Variants in CDH18 observed in about 807,000 individuals in gnomAD.
CDH18 encodes the protein cadherin 18, also known as cadherin-18.
In CDH18, 31 loss-of-function variants were observed where a neutral mutation model predicts 67.9. That is an observed-to-expected ratio of 0.46 (90% CI 0.34 to 0.62). The LOEUF is 0.62. Ranked by LOEUF, CDH18 falls within the 20% of genes least tolerant of loss-of-function variation. The pLI is 0.01. For synonymous variants in CDH18, 362 were observed against 347.2 expected, an observed-to-expected ratio of 1.04 and a Z score of -0.48; for missense variants, 890 against 975.5, an observed-to-expected ratio of 0.91 and a Z score of 1.17.
chr5:20,440,145 A>G (rs1477153701), intron 1 of CDH18, among the ~76,000 whole-genome samples: 4 of 152,020 alleles, frequency 2.6e-5, no homozygotes, highest in South Asian at 2.1e-4. Flanking sequence ...AAGGATATTC[A>G]TTCAACAACT....
intron 2 of CDH18, among the ~76,000 whole-genome samples, chr5:19,881,396 G>T (rs1225799249): frequency 6.6e-6 from 1 of 151,812 alleles, no homozygotes; most frequent in African/African-American, 2.4e-5. Flanking sequence ...AACATCAAAG[G>T]TCATGGTTTT....
rs1441514532 is a variant in CDH18, at chr5:19,830,936, G to T, written c.228+7823C>A. ...AACCTGACACAAACTAACGCAGGAA[G>T]AGAAAACCACATACTTCATGTTCTC... On this transcript the variant is annotated intron_variant, in intron 3 of 12. Coordinates refer to ENST00000382275, the MANE Select transcript of CDH18 (RefSeq NM_004934.5). Among the ~76,000 whole-genome samples, 3 of 152,152 alleles carry T rather than the reference G, an allele frequency of 2.0e-5. 1 individual carries two copies. The highest frequency in any genetic ancestry group is 4.4e-5 in the Non-Finnish European group (3 of 67,952).
intron 1 of CDH18, among the ~76,000 whole-genome samples, chr5:20,574,535 A>G (rs1211057992): frequency 6.6e-6 from 1 of 152,072 alleles, no homozygotes; most frequent in Non-Finnish European, 1.5e-5. Flanking sequence ...AGTTCCAGTA[A>G]GCATTAAATA....
intron 1 of CDH18, among the ~76,000 whole-genome samples, chr5:20,290,820 G>C (rs1258357721): frequency 6.6e-6 from 1 of 152,100 alleles, no homozygotes; most frequent in Non-Finnish European, 1.5e-5. Context: ...GTGTGGACTA[G>C]GTCCAGAACA....
intron 3 of CDH18, among the ~76,000 whole-genome samples, chr5:19,822,345 A>G (rs1442981419): frequency 6.6e-6 from 1 of 152,180 alleles, no homozygotes; most frequent in East Asian, 1.9e-4. Context: ...GATTAAACCA[A>G]CAACAATAAG....
intron 2 of CDH18, among the ~76,000 whole-genome samples, chr5:19,994,727 A>G (rs1169041979): frequency 9.6e-5 from 2 of 20,902 alleles, no homozygotes; most frequent in East Asian, 1.6e-3. Flanking sequence ...ATATATATAT[A>G]TATATATATA....
At chr5:19,752,466 T>A (rs989897799) in intron 3 of CDH18, among the ~76,000 whole-genome samples, 1 of 151,950 alleles carries the variant, frequency 6.6e-6, no homozygotes, top group African/African-American at 2.4e-5. Context: ...TCTTCCTAGG[T>A]ACATAACTCC....
intron 1 of CDH18, among the ~76,000 whole-genome samples, chr5:20,293,261 G>A (rs1747240045): frequency 6.6e-6 from 1 of 152,092 alleles, no homozygotes; most frequent in Admixed American, 6.5e-5. Flanking sequence ...AGTTTGCAGT[G>A]AGCTGAGATC....
chr5:20,092,235 A>G (rs942127227), intron 2 of CDH18, among the ~76,000 whole-genome samples: 1 of 152,178 alleles, frequency 6.6e-6, no homozygotes. Context: ...GTATGACTCA[A>G]TGCAAAATAA....
intron 4 of CDH18, among the ~76,000 whole-genome samples, chr5:19,727,390 G>A (rs898772319): frequency 3.9e-5 from 6 of 152,134 alleles, no homozygotes; most frequent in Admixed American, 1.3e-4. Context: ...AACATCATGT[G>A]AAGATGAATG....
chr5:19,762,028 T>C (rs1772428103), intron 3 of CDH18, among the ~76,000 whole-genome samples: 1 of 152,314 alleles, frequency 6.6e-6, no homozygotes. Context: ...CTGGGAAAAC[T>C]GTCTAGCCAT....
rs1336425316 is a variant in CDH18 at position 19,604,843 on chromosome 5, GA to G, written c.811+7590del. On this transcript the variant is annotated intron_variant, in intron 6 of 12. Coordinates refer to ENST00000382275, the MANE Select transcript of CDH18 (RefSeq NM_004934.5). The stretch of plus-strand genomic sequence containing the variant: ...CTATAGGAAAGCTGATTATTCTATA[GA>G]AAGTTTTTTTTTTCTCTCAAGTATT... 4.6e-5 allele frequency among the ~76,000 whole-genome samples: 7 copies of G among 151,748 alleles called. No homozygotes were observed. In the South Asian group the frequency reaches 6.2e-4, roughly 14 times the overall value.
At chr5:19,645,914 T>C (rs1233047582) in intron 5 of CDH18, among the ~76,000 whole-genome samples, 4 of 152,128 alleles carry the variant, frequency 2.6e-5, no homozygotes, top group Non-Finnish European at 4.4e-5. Context: ...TCTATTAACA[T>C]TACTGTGATT....
At chr5:19,599,045 T>C (rs1746632815) in intron 6 of CDH18, among the ~76,000 whole-genome samples, 1 of 152,174 alleles carries the variant, frequency 6.6e-6, no homozygotes, top group South Asian at 2.1e-4. Flanking sequence ...AAAAATCATA[T>C]GACTCAATTG....
intron 1 of CDH18, among the ~76,000 whole-genome samples, chr5:20,345,655 A>C (rs1740639042): frequency 6.6e-6 from 1 of 152,080 alleles, no homozygotes; most frequent in Admixed American, 6.6e-5. Context: ...TAACCCACCT[A>C]ACCCAGGATA....
At chr5:20,406,043 GA>G in intron 1 of CDH18, among the ~76,000 whole-genome samples, 1 of 152,166 alleles carries the variant, frequency 6.6e-6, no homozygotes, top group East Asian at 1.9e-4. Context: ...CAGGGATCTA[GA>G]ACTAGAAACA....
chr5:20,291,705 G>A (rs1747116568), intron 1 of CDH18, among the ~76,000 whole-genome samples: 1 of 152,078 alleles, frequency 6.6e-6, no homozygotes, highest in Admixed American at 6.5e-5. Context: ...GTTTACTCAA[G>A]GTCAAATTGA....
intron 1 of CDH18, among the ~76,000 whole-genome samples, chr5:20,266,462 G>C (rs1745040205): frequency 6.6e-6 from 1 of 151,868 alleles, no homozygotes; most frequent in African/African-American, 2.4e-5. Context: ...GGAGTACAGT[G>C]GTGCGATTTC....
At chr5:20,396,456 G>T (rs578114468) in intron 1 of CDH18, among the ~76,000 whole-genome samples, 247 of 150,378 alleles carry the variant, frequency 1.6e-3, no homozygotes, top group Middle Eastern at 3.5e-3. Context: ...CCTAGTAAAG[G>T]TCTTAATGAT....
Sources: allele counts gnomAD v4.1 joint callset (sites outside exome capture counted in the v4.1 genomes callset), GRCh38; gene constraint gnomAD v4.1.1; transcripts MANE v1.5; gene names NCBI Gene and HGNC (gene_info 2026-07-23, HGNC 2026-07-21).